Variants in PTPRB observed in about 807,000 individuals in gnomAD.
PTPRB encodes the protein protein tyrosine phosphatase receptor type B.
A neutral mutation model predicts 238.1 loss-of-function variants in PTPRB; 97 were observed. The observed-to-expected ratio is 0.41, with a 90% confidence interval of 0.35 to 0.48. The LOEUF (loss-of-function observed/expected upper bound fraction) is 0.48, where lower values mean the gene tolerates loss of function less well. Among genes scored for constraint, PTPRB ranks in the 20% least tolerant of loss-of-function variants. PTPRB has a pLI of 0.30. For synonymous variants in PTPRB, 970 were observed against 995.4 expected (o/e 0.97, Z 0.48); for missense variants, 2,292 against 2,681.9 (o/e 0.85, Z 3.21).
At chr12:70,595,619 C>G (rs1473764731) in intron 5 of PTPRB, among the ~76,000 whole-genome samples, 2 of 152,046 alleles carry the variant, frequency 1.3e-5, no homozygotes, top group Non-Finnish European at 2.9e-5. Flanking sequence ...GAAACAAAGA[C>G]TTGTTTCAAA....
intron 33 of PTPRB, among the ~76,000 whole-genome samples, chr12:70,523,990 T>C (rs1170245398): frequency 6.6e-6 from 1 of 152,014 alleles, no homozygotes; most frequent in Non-Finnish European, 1.5e-5. Context: ...TTTGTACTTT[T>C]AGTAGAGATG....
In PTPRB at chr12:70,590,190, C is replaced by T. The variant is rs774834077; in HGVS notation, c.1824G>A (p.Arg608=). The T allele has an allele frequency of 3.8e-6, 6 of 1,593,022 alleles. No homozygotes were observed. In the South Asian group the frequency reaches 5.7e-5, roughly 15 times the overall value. The change falls in exon 8 of 34, where the codon AGG becomes AGA. Residue 608 remains arginine (R), a synonymous_variant. Coordinates refer to ENST00000334414, the MANE Select transcript of PTPRB (RefSeq NM_001109754.4). ...VANLEANNNG[R]MRSLVVSWSP... ...ACCAGCTCACTACAAGAGACCTCAT[C>T]CTGCCATTATTGTTTGCCTCCAGGT...
intron 2 of PTPRB, among the ~76,000 whole-genome samples, chr12:70,633,657 A>G (rs1885554875): frequency 6.6e-6 from 1 of 152,074 alleles, no homozygotes; most frequent in African/African-American, 2.4e-5. Context: ...TTTCCCCAAC[A>G]CATATTATCA....
At chr12:70,528,780 G>C (rs556613429) in intron 32 of PTPRB, among the ~76,000 whole-genome samples, 6 of 152,222 alleles carry the variant, frequency 3.9e-5, no homozygotes, top group Non-Finnish European at 7.3e-5. Context: ...GCAACATAAT[G>C]AGACTGCATC....
intron 10 of PTPRB, among the ~76,000 whole-genome samples, 189 bp from the exon 11 acceptor site, chr12:70,576,834 C>G (rs1306730026): frequency 1.3e-5 from 2 of 152,042 alleles, no homozygotes; most frequent in African/African-American, 4.8e-5. Flanking sequence ...GCTGAGTGTT[C>G]TTACATCAGA....
At chr12:70,564,835 A>G (rs1416899001) in intron 15 of PTPRB, among the ~76,000 whole-genome samples, 2 of 35,932 alleles carry the variant, frequency 5.6e-5, no homozygotes, top group Non-Finnish European at 1.2e-4. Flanking sequence ...TCTGTCTCCA[A>G]AAATAATAAA....
chr12:70,604,652 A>G (rs949474324), intron 4 of PTPRB, among the ~76,000 whole-genome samples: 1 of 152,226 alleles, frequency 6.6e-6, no homozygotes, highest in Non-Finnish European at 1.5e-5. Context: ...CACCAAATTT[A>G]TATGTTGAAA....
At chr12:70,587,636 C>A (rs1009069485) in intron 8 of PTPRB, among the ~76,000 whole-genome samples, 2 of 152,026 alleles carry the variant, frequency 1.3e-5, no homozygotes, top group African/African-American at 2.4e-5. Flanking sequence ...TATTTGTTAC[C>A]CCCATAGGTT....
At chr12:70,613,305 C>T (rs766270165) in intron 3 of PTPRB, among the ~76,000 whole-genome samples, 26 of 152,046 alleles carry the variant, frequency 1.7e-4, no homozygotes, top group Admixed American at 3.3e-4. Flanking sequence ...GCCTCCTATT[C>T]TCCACTTGCT....
intron 4 of PTPRB, among the ~76,000 whole-genome samples, chr12:70,599,780 T>A (rs1337571862): frequency 2.0e-5 from 3 of 152,104 alleles, no homozygotes; most frequent in Non-Finnish European, 4.4e-5. Context: ...TGAACCAAAA[T>A]GAATTCTTTT....
chr12:70,551,933 T>C (rs1445774491), intron 21 of PTPRB, among the ~76,000 whole-genome samples: 1 of 152,130 alleles, frequency 6.6e-6, no homozygotes, highest in Admixed American at 6.5e-5. Flanking sequence ...AGCTGCTCCT[T>C]TTCATTAGTC....
rs1267099708 is a variant in PTPRB, at chr12:70,589,917, G to C, written c.2050+47C>G. ...AGTTACCTGGGTTACCTGGGAGAGG[G>C]AACAAATTACTCTTCCATTGGTATT... On this transcript the variant is annotated intron_variant, in intron 8 of 33. Coordinates refer to ENST00000334414, the MANE Select transcript of PTPRB (RefSeq NM_001109754.4). 4 of 1,563,238 alleles carry C rather than the reference G, an allele frequency of 2.6e-6. No homozygotes were observed. In the Admixed American group the frequency reaches 5.2e-5, roughly 20 times the overall value.
Position 70,524,468 on chromosome 12 carries a change from C to T in PTPRB, c.6625+3G>A, listed in dbSNP as rs543530341. 6.2e-7 allele frequency: 1 copy of T among 1,601,192 alleles called. No individual in the cohort carries two copies. The highest frequency in any genetic ancestry group is 1.3e-5 in the African/African-American group (1 of 74,770). On this transcript the variant is annotated splice_donor_region_variant and intron_variant, in intron 33 of 33. Coordinates refer to ENST00000334414, the MANE Select transcript of PTPRB (RefSeq NM_001109754.4). ...TGGGGAAGTAAGTGAAGTAAGTGCC[C>T]ACCTCTGTGATACTCTGGATTCACA...
chr12:70,570,299 T>C (rs1565957210), intron 13 of PTPRB, among the ~76,000 whole-genome samples: 1 of 152,208 alleles, frequency 6.6e-6, no homozygotes, highest in Non-Finnish European at 1.5e-5. Context: ...GCAGTGATGA[T>C]AATACTAACC....
intron 28 of PTPRB, 149 bp from the exon 29 acceptor site, chr12:70,536,308 G>A: frequency 1.1e-6 from 1 of 936,128 alleles, no homozygotes; most frequent in Non-Finnish European, 1.6e-6. Flanking sequence ...ATGCTTGGGA[G>A]CAGGAAGGAC....
At position 70,592,474 on chromosome 12, in the gene PTPRB, T is replaced by C. The variant is rs1261640360; in HGVS notation, c.1588A>G (p.Arg530Gly). 1.2e-6 allele frequency: 2 copies of C among 1,613,894 alleles called. No individual in the cohort carries two copies. Among genetic ancestry groups the C allele is most frequent in the South Asian group, 2.2e-5 (2 of 91,086 alleles). ...TAAGAATCCACATTTCCAGGAGGTC[T>C]TTGCCATTTGACTTTTAGAGAGGTC... ...SLTSLKVKWQ[R>G]PPGNVDSYNI... Residue 530 changes from arginine to glycine, a missense_variant, in exon 7 of 34, where the codon AGA (arginine) becomes GGA (glycine). Arg to Gly is a moderately radical substitution (Grantham distance 125). Transcript: ENST00000334414.
intron 4 of PTPRB, among the ~76,000 whole-genome samples, chr12:70,608,206 T>C (rs928301148): frequency 6.6e-5 from 10 of 152,322 alleles, no homozygotes; most frequent in Non-Finnish European, 1.3e-4. Context: ...TGGATGAAGG[T>C]AAGGATACAC....
chr12:70,554,966 A>C (rs148428431), intron 20 of PTPRB, among the ~76,000 whole-genome samples, 194 bp downstream of exon 20: 1 of 152,328 alleles, frequency 6.6e-6, no homozygotes, highest in Non-Finnish European at 1.5e-5. Flanking sequence ...AGAGGATAAC[A>C]GGCTTTATTG....
chr12:70,622,618 C>G lies in PTPRB; in HGVS notation c.480G>C (p.Arg160Ser). Residue 160 changes from arginine (R) to serine (S), a missense_variant, in exon 3 of 34, where the codon AGG (arginine) becomes AGC (serine). Physicochemically the swap from Arg to Ser is moderately radical, Grantham distance 110. This residue lies in a region of PTPRB where 1,205 missense variants were observed against 1,287.8 expected (regional missense o/e 0.94). Transcript: ENST00000334414. ...GGGGTGGAGCCGTGTTTCTAGTGCT[C>G]CTCACCGAAACTTCTGCTCCCAGGC... is the stretch of plus-strand genomic sequence containing the variant. ...KAGLGAEVSV[R>S]STRNTAPPQI... The G allele has an allele frequency of 6.3e-7, 1 of 1,577,994 alleles. No individual in the cohort carries two copies. Among genetic ancestry groups the G allele is most frequent in the Non-Finnish European group, 8.6e-7 (1 of 1,159,060 alleles).
Sources: gnomAD v4.1 joint callset for allele counts (sites outside exome capture counted in the v4.1 genomes callset) on GRCh38, gnomAD v4.1.1 for gene constraint, gnomAD v4.1.1 regional missense constraint, MANE v1.5 for transcripts, NCBI Gene and HGNC (gene_info 2026-07-23, HGNC 2026-07-21) for gene names.